EIF4G3: variants seen among roughly 807,000 people sequenced by gnomAD.
EIF4G3 encodes the protein eukaryotic translation initiation factor 4 gamma 3, also known as eIF-4-gamma 3.
In EIF4G3, 34 loss-of-function variants were observed where a neutral mutation model predicts 186.4. The ratio of observed to expected loss-of-function variants is 0.18; its 90% confidence interval spans 0.14 to 0.24. The LOEUF is 0.24. EIF4G3 is among the 10% of genes least tolerant of loss of function. The pLI, the probability that EIF4G3 is intolerant of heterozygous loss-of-function variation, is 1.00. For missense variants in EIF4G3, 1,536 were observed against 1,948.5 expected (o/e 0.79, Z 3.99); for synonymous variants, 673 against 679.5 (o/e 0.99, Z 0.15).
chr1:21,169,117 G>A (rs1055697271), intron 2 of EIF4G3, among the ~76,000 whole-genome samples: 2 of 152,056 alleles, frequency 1.3e-5, no homozygotes, highest in Non-Finnish European at 2.9e-5. Context: ...GCTGTAGTGA[G>A]CCATGACCAT....
At chr1:21,023,404 G>A (rs181836339) in intron 4 of EIF4G3, among the ~76,000 whole-genome samples, 5,092 of 147,298 alleles carry the variant, frequency 0.035, 289 homozygotes, top group African/African-American at 0.12. Flanking sequence ...GAGTGCCTGC[G>A]ATTGCAGGCA....
At chr1:20,882,215 A>ACACACACACACACACACACACAC in intron 19 of EIF4G3, among the ~76,000 whole-genome samples, 1 of 139,476 alleles carries the variant, frequency 7.2e-6, no homozygotes, top group Non-Finnish European at 1.6e-5. Flanking sequence ...ACACACACAC[A>ACACACACACACACACACACACAC]AAATCATTTA....
chr1:20,973,056 A>G lies in EIF4G3; in HGVS notation c.537T>C (p.Pro179=). 1 of 1,611,006 alleles carries G rather than the reference A, an allele frequency of 6.2e-7. No individual in the cohort carries two copies. The highest frequency in any genetic ancestry group is 8.5e-7 in the Non-Finnish European group (1 of 1,179,294). The change falls in exon 11 of 37, where the codon CCT becomes CCC. Residue 179 remains proline (P), a synonymous_variant. Transcript: ENST00000602326. The stretch of plus-strand genomic sequence containing the variant: ...GCTGTTGCTGCGTAGGCACTATGAT[A>G]GGTGCTGACTGATACACCGGCTGAC... ...YPSQPVYQSA[P]IIVPTQQQPP...
chr1:21,085,643 C>A (rs766224940), intron 3 of EIF4G3, among the ~76,000 whole-genome samples: 1 of 152,092 alleles, frequency 6.6e-6, no homozygotes, highest in Non-Finnish European at 1.5e-5. Context: ...GCAATCTTCC[C>A]GCCTTGGCCT....
chr1:21,087,213 C>T (rs1165574439), intron 3 of EIF4G3, among the ~76,000 whole-genome samples: 1 of 152,012 alleles, frequency 6.6e-6, no homozygotes, highest in Admixed American at 6.6e-5. Flanking sequence ...TATGTTGAAC[C>T]GAAATATTTA....
chr1:21,119,629 G>C (rs12028354), intron 2 of EIF4G3, among the ~76,000 whole-genome samples: 40,386 of 151,974 alleles, frequency 0.27, 6,654 homozygotes, highest in East Asian at 0.43. Context: ...AAAGGACAAA[G>C]AAACTATAGA....
intron 2 of EIF4G3, among the ~76,000 whole-genome samples, chr1:21,133,070 A>T (rs1461821221): frequency 1.3e-5 from 2 of 151,186 alleles, no homozygotes; most frequent in Non-Finnish European, 3.0e-5. Flanking sequence ...AGGTGTGAGC[A>T]ATCATGCCCG....
In EIF4G3 at chr1:21,089,224, G is replaced by A. The variant is rs748221218; in HGVS notation, c.-271-11C>T. Reference sequence around the variant, plus strand: ...GGTCCTCTAGGAATTCTAGAAGAGCGAGTTAAGGATAAGAGAATTCAAAAA... The same window carrying A: ...GGTCCTCTAGGAATTCTAGAAGAGCAAGTTAAGGATAAGAGAATTCAAAAA... On this transcript the variant is annotated splice_polypyrimidine_tract_variant and intron_variant, in intron 2 of 36. Coordinates refer to ENST00000602326, the MANE Select transcript of EIF4G3 (RefSeq NM_001391906.1). The A allele has an allele frequency of 4.0e-5, 29 of 716,144 alleles. No individual in the cohort carries two copies. The highest frequency in any genetic ancestry group is 3.0e-4 in the South Asian group (20 of 67,322). The allele number at this position is 716,144 out of a possible 1,614,324, so 44.4% of individuals were successfully genotyped here. A position where few individuals can be genotyped will look rare whatever the true frequency, so the allele number is the denominator to read the frequency against.
intron 2 of EIF4G3, among the ~76,000 whole-genome samples, chr1:21,141,757 T>C (rs1463802581): frequency 2.6e-5 from 4 of 152,160 alleles, no homozygotes. Flanking sequence ...AGTGAGACCC[T>C]GACTCTACCA....
In EIF4G3 at chr1:20,950,034, G is replaced by C. The variant is rs770780430; in HGVS notation, c.792C>G (p.Thr264=). ...TVESAHLAAS[T]PVTAASDQKQ... ...TCTGGTCGCTAGCTGCAGTGACAGG[G>C]GTGCTGGCAGCAAGATGAGCGCTCT... The change falls in exon 13 of 37, where the codon ACC becomes ACG. Residue 264 remains threonine (T), a synonymous_variant. Transcript: ENST00000602326. 2.5e-6 allele frequency: 4 copies of C among 1,613,616 alleles called. No homozygotes were observed. In the South Asian group the frequency reaches 3.3e-5, roughly 13 times the overall value.
At chr1:20,968,312 T>G (rs549626887) in intron 12 of EIF4G3, among the ~76,000 whole-genome samples, 4 of 152,158 alleles carry the variant, frequency 2.6e-5, no homozygotes, top group African/African-American at 9.6e-5. Flanking sequence ...CCTGAGTACC[T>G]GGGATTACAG....
At chr1:20,989,347 C>T (rs920025662) in intron 7 of EIF4G3, among the ~76,000 whole-genome samples, 63 of 149,794 alleles carry the variant, frequency 4.2e-4, no homozygotes, top group South Asian at 2.1e-4. Context: ...CCTGAGGTCC[C>T]GAGTTCGAGA....
intron 20 of EIF4G3, among the ~76,000 whole-genome samples, chr1:20,866,311 T>C (rs1416011833): frequency 6.6e-6 from 1 of 152,286 alleles, no homozygotes; most frequent in African/African-American, 2.4e-5. Flanking sequence ...GCTAGAATAT[T>C]TGTACTAGAA....
At chr1:20,843,359 A>G (rs2069431051) in intron 29 of EIF4G3, among the ~76,000 whole-genome samples, 1 of 151,956 alleles carries the variant, frequency 6.6e-6, no homozygotes, top group African/African-American at 2.4e-5. Flanking sequence ...TCTACCAAAA[A>G]TACAAAAATT....
chr1:20,866,091 A>G (rs2077502868), intron 20 of EIF4G3, among the ~76,000 whole-genome samples: 2 of 152,186 alleles, frequency 1.3e-5, no homozygotes, highest in Non-Finnish European at 2.9e-5. Context: ...ATATGATACA[A>G]CAGTTTTTCT....
At chr1:20,956,617 CAAA>C (rs61623629) in intron 12 of EIF4G3, among the ~76,000 whole-genome samples, 38,233 of 114,450 alleles carry the variant, frequency 0.33, 4,412 homozygotes, top group Non-Finnish European at 0.35. Context: ...GTATAATTTA[CAAA>C]AAAAAAAAAA....
intron 7 of EIF4G3, among the ~76,000 whole-genome samples, chr1:20,987,628 T>C (rs115698828): frequency 9.7e-4 from 148 of 152,330 alleles, no homozygotes; most frequent in African/African-American, 3.3e-3. Flanking sequence ...ACTGCACCCA[T>C]AGAAGACAGC....
intron 4 of EIF4G3, among the ~76,000 whole-genome samples, 182 bp from the exon 5 acceptor site, chr1:21,002,990 C>CTTTTTTTTTTT (rs5772933): frequency 7.1e-6 from 1 of 141,196 alleles, no homozygotes. Context: ...CCTTTTCTTT[C>CTTTTTTTTTTT]TTTTTTTTTT....
At chr1:21,061,673 T>C (rs1005447314) in intron 3 of EIF4G3, among the ~76,000 whole-genome samples, 1 of 151,990 alleles carries the variant, frequency 6.6e-6, no homozygotes, top group Non-Finnish European at 1.5e-5. Context: ...TTTGTCAATG[T>C]CAATTGTTAC....
Sources: gnomAD v4.1 joint callset for allele counts (sites outside exome capture counted in the v4.1 genomes callset) on GRCh38, gnomAD v4.1.1 for gene constraint, MANE v1.5 for transcripts, NCBI Gene and HGNC (gene_info 2026-07-23, HGNC 2026-07-21) for gene names.